SOX5: variants seen among roughly 807,000 people sequenced by gnomAD.
SOX5 encodes the protein transcription factor SOX-5.
SOX5 carries 9 observed loss-of-function variants against 92.0 expected under a neutral mutation model. That is an observed-to-expected ratio of 0.10 (90% CI 0.06 to 0.17). The LOEUF is 0.17. Ranked by LOEUF, SOX5 falls within the 10% of genes least tolerant of loss-of-function variation. The pLI is 1.00. For missense variants in SOX5, 642 were observed against 944.5 expected (o/e 0.68, Z 4.20); for synonymous variants, 344 against 336.3 (o/e 1.02, Z -0.25).
At chr12:23,728,457 C>T (rs540738604) in intron 6 of SOX5, among the ~76,000 whole-genome samples, 51 of 152,148 alleles carry the variant, frequency 3.4e-4, no homozygotes, top group African/African-American at 1.1e-3. Flanking sequence ...AAAATGCTTA[C>T]CACACTCAGG....
chr12:24,115,855 A>G (rs1947931973), intron 4 of SOX5, among the ~76,000 whole-genome samples: 1 of 152,166 alleles, frequency 6.6e-6, no homozygotes, highest in Admixed American at 6.5e-5. Context: ...CAGAATGCAT[A>G]TGTTATTGTT....
chr12:24,164,158 C>T (rs930405174), intron 4 of SOX5, among the ~76,000 whole-genome samples: 3 of 151,846 alleles, frequency 2.0e-5, no homozygotes, highest in Non-Finnish European at 4.4e-5. Flanking sequence ...TCAACAAGTC[C>T]CCAGATACAC....
rs1419473811 is a variant in SOX5, at chr12:23,850,646, A to G, written c.271-4453T>C. On this transcript the variant is annotated intron_variant, in intron 2 of 14. Coordinates refer to ENST00000451604, the MANE Select transcript of SOX5 (RefSeq NM_006940.6). ...CTCTTCTGCCAAATTAGGAGGTACC[A>G]AATTGAATTTAGTTATAGAAAAAAT... 2.6e-5 allele frequency among the ~76,000 whole-genome samples: 4 copies of G among 151,992 alleles called. No individual in the cohort carries two copies. In the East Asian group the frequency reaches 7.7e-4, roughly 29 times the overall value.
chr12:23,642,148 C>G (rs954729900), intron 7 of SOX5, among the ~76,000 whole-genome samples: 2 of 152,006 alleles, frequency 1.3e-5, no homozygotes, highest in Non-Finnish European at 2.9e-5. Flanking sequence ...AATGAATATT[C>G]ACTTTTCTAC....
chr12:23,565,756 C>T lies in SOX5; in HGVS notation c.1343-2353G>A, dbSNP rs567896151. Among the ~76,000 whole-genome samples the T allele has an allele frequency of 5.3e-5, 8 of 152,226 alleles. No homozygotes were observed. The East Asian group carries it at 1.3e-3, about 26-fold the overall frequency. On this transcript the variant is annotated intron_variant, in intron 10 of 14. Transcript: ENST00000451604. The stretch of plus-strand genomic sequence containing the variant: ...AGACTCTTGAGTTTTAGTTATAATG[C>T]TGTATGAAATGTTAACATTTGTATC...
intron 3 of SOX5, among the ~76,000 whole-genome samples, chr12:23,818,781 T>A (rs913264967): frequency 6.6e-6 from 1 of 152,298 alleles, no homozygotes; most frequent in East Asian, 1.9e-4. Flanking sequence ...TATTTTTCTA[T>A]TCTTAAATTT....
intron 6 of SOX5, among the ~76,000 whole-genome samples, chr12:23,732,893 T>C (rs1343995067): frequency 1.3e-5 from 2 of 152,196 alleles, no homozygotes; most frequent in Non-Finnish European, 2.9e-5. Context: ...CTAGAACATA[T>C]AATTTTTAAG....
At chr12:24,519,850 C>A (rs1224867180) in intron 1 of SOX5, among the ~76,000 whole-genome samples, 2 of 152,080 alleles carry the variant, frequency 1.3e-5, no homozygotes, top group Non-Finnish European at 2.9e-5. Context: ...CCAAAATGAT[C>A]AATCCACAGA....
At chr12:24,080,687 GT>G (rs748558317) in intron 4 of SOX5, among the ~76,000 whole-genome samples, 114 of 151,950 alleles carry the variant, frequency 7.5e-4, no homozygotes, top group Non-Finnish European at 1.1e-3. Context: ...CCAAAATATT[GT>G]TTGCTGCATT....
At chr12:24,530,035 A>G (rs1190546657) in intron 1 of SOX5, among the ~76,000 whole-genome samples, 1 of 151,710 alleles carries the variant, frequency 6.6e-6, no homozygotes, top group African/African-American at 2.4e-5. Context: ...AAAAAAAAAA[A>G]AAAAAAGCCG....
intron 1 of SOX5, among the ~76,000 whole-genome samples, chr12:24,492,716 C>G (rs1156963835): frequency 6.6e-6 from 1 of 152,096 alleles, no homozygotes. Flanking sequence ...GTGATACTTA[C>G]GTATTTTGTT....
chr12:23,704,725 C>CATAT (rs1567100974), intron 6 of SOX5, among the ~76,000 whole-genome samples: 2 of 79,766 alleles, frequency 2.5e-5, no homozygotes, highest in Admixed American at 2.7e-4. Context: ...TACACACACA[C>CATAT]ACACACATAC....
At chr12:23,899,148 G>A (rs545823778) in intron 1 of SOX5, among the ~76,000 whole-genome samples, 33 of 152,220 alleles carry the variant, frequency 2.2e-4, no homozygotes, top group South Asian at 2.1e-4. Flanking sequence ...AGTGGCTCAC[G>A]CCTATAATCT....
chr12:24,512,148 A>G (rs190306478), intron 1 of SOX5, among the ~76,000 whole-genome samples: 1 of 152,196 alleles, frequency 6.6e-6, no homozygotes, highest in African/African-American at 2.4e-5. Context: ...GCAACAAAGT[A>G]CACAAACATG....
At chr12:23,998,989 C>A (rs1300989004) in intron 4 of SOX5, among the ~76,000 whole-genome samples, 1 of 151,688 alleles carries the variant, frequency 6.6e-6, no homozygotes, top group African/African-American at 2.4e-5. Flanking sequence ...AAGCTAAAGA[C>A]CAAGAGATAA....
intron 1 of SOX5, among the ~76,000 whole-genome samples, chr12:24,556,433 T>C (rs1953788884): frequency 6.6e-6 from 1 of 152,204 alleles, no homozygotes; most frequent in Non-Finnish European, 1.5e-5. Context: ...CCAATTTAAA[T>C]AAACAAACCA....
intron 3 of SOX5, among the ~76,000 whole-genome samples, chr12:23,838,799 T>A (rs1455859903): frequency 6.8e-6 from 1 of 146,868 alleles, no homozygotes; most frequent in Non-Finnish European, 1.5e-5. Flanking sequence ...AAGTTGTTCT[T>A]ACTAGATATT....
intron 1 of SOX5, among the ~76,000 whole-genome samples, chr12:24,474,122 C>T (rs1396724715): frequency 2.0e-5 from 3 of 151,970 alleles, no homozygotes; most frequent in African/African-American, 7.2e-5. Context: ...TGGAAGGCAT[C>T]AACTAGATAT....
intron 3 of SOX5, among the ~76,000 whole-genome samples, chr12:23,774,343 C>A (rs1380019394): frequency 6.6e-6 from 1 of 152,138 alleles, no homozygotes; most frequent in East Asian, 1.9e-4. Flanking sequence ...AAACCCAATT[C>A]TTTTACATAT....
Sources: allele counts gnomAD v4.1 joint callset (sites outside exome capture counted in the v4.1 genomes callset), GRCh38; gene constraint gnomAD v4.1.1; transcripts MANE v1.5; gene names NCBI Gene and HGNC (gene_info 2026-07-23, HGNC 2026-07-21).